The following WDR81 variants were observed in gnomAD, a reference collection of about 807,000 sequenced individuals.
WDR81 encodes the protein WD repeat domain 81.
Under a neutral mutation model 140.8 loss-of-function variants are expected in WDR81, and 92 were observed. The observed-to-expected ratio is 0.65, with a 90% CI of 0.55 to 0.78. The LOEUF (loss-of-function observed/expected upper bound fraction) is 0.78, where lower values mean the gene tolerates loss of function less well. Ranked by LOEUF, WDR81 falls within the 30% of genes least tolerant of loss-of-function variation. WDR81 has a pLI of 0.00. For missense variants in WDR81, 2,502 were observed against 2,636.4 expected, an observed-to-expected ratio of 0.95 and a Z score of 1.12; for synonymous variants, 1,183 against 1,156.4, an observed-to-expected ratio of 1.02 and a Z score of -0.47.
At position 1,725,059 on chromosome 17, in the gene WDR81, G is replaced by A. The variant is rs1224718853; in HGVS notation, c.100G>A (p.Val34Met). The A allele has an allele frequency of 1.3e-6, 2 of 1,483,748 alleles. No homozygotes were observed. Among genetic ancestry groups the A allele is most frequent in the Admixed American group, 2.3e-5 (1 of 42,764 alleles). The allele number at this position is 1,483,748 out of a possible 1,614,324, so 91.9% of individuals were successfully genotyped here. ...AGACATGCAGGAGCTGCTCCGGAGCGTGGAGAGGGACCTGAGCATCGATCC... is the reference window on the plus strand; with the variant it reads ...AGACATGCAGGAGCTGCTCCGGAGCATGGAGAGGGACCTGAGCATCGATCC... ...SPDMQELLRS[V>M]ERDLSIDPRQ... Residue 34 changes from valine to methionine, a missense_variant, in exon 1 of 10, where the codon GTG becomes ATG. By Grantham distance (21) the Val-to-Met change is conservative. This residue lies in a region of WDR81 where 547 missense variants were observed against 513.8 expected (regional missense o/e 1.06). Transcript: ENST00000409644.
chr17:1,735,434 A>C lies in WDR81; in HGVS notation c.5180-138A>C, dbSNP rs978554606. 2 of 999,088 alleles carry C rather than the reference A, an allele frequency of 2.0e-6. No homozygotes were observed. The highest frequency in any genetic ancestry group is 1.9e-5 in the South Asian group (1 of 53,506). The allele number at this position is 999,088 out of a possible 1,614,324, so 61.9% of individuals were successfully genotyped here. On this transcript the variant is annotated intron_variant, in intron 7 of 9. Coordinates refer to ENST00000409644, the MANE Select transcript of WDR81 (RefSeq NM_001163809.2). The surrounding 1 kb of genome is among the most constrained non-coding windows in gnomAD (Gnocchi z 4.2). ...ACAAAGCGAGACTCCATCTCAAAAAAAGAGAAACATCTTTAGCATTTTCTA... is the reference window on the plus strand; with the variant it reads ...ACAAAGCGAGACTCCATCTCAAAAACAGAGAAACATCTTTAGCATTTTCTA...
In WDR81 at chr17:1,727,053, C is replaced by T. The variant is rs1163566414; in HGVS notation, c.2094C>T (p.Ser698=). ...TCTCTTTCTCAGTGGCCTCAGCCTC[C>T]CGTCCAGGCCGCAGGAATAAAGCTG... ...GLLSFSVASA[S]RPGRRNKAAG... Residue 698 remains serine, a synonymous_variant, in exon 1 of 10, where the codon TCC becomes TCT. Coordinates refer to ENST00000409644, the MANE Select transcript of WDR81 (RefSeq NM_001163809.2). 6.5e-7 allele frequency: 1 copy of T among 1,550,132 alleles called. No homozygotes were observed. Among genetic ancestry groups the T allele is most frequent in the African/African-American group, 1.4e-5 (1 of 73,026 alleles).
In WDR81 at chr17:1,725,259, C is replaced by A. The variant is rs772164633; in HGVS notation, c.300C>A (p.Ala100=). ...LLQRSVQRLP[A]GWTRVEVHGL... Reference sequence around the variant, plus strand: ...AGCGCTCTGTGCAAAGGCTGCCTGCCGGCTGGACGCGCGTGGAGGTGCATG... The same window carrying A: ...AGCGCTCTGTGCAAAGGCTGCCTGCAGGCTGGACGCGCGTGGAGGTGCATG... The change falls in exon 1 of 10, where the codon GCC becomes GCA. Residue 100 remains alanine, a synonymous_variant. Coordinates refer to ENST00000409644, the MANE Select transcript of WDR81 (RefSeq NM_001163809.2). 6.5e-7 allele frequency: 1 copy of A among 1,544,272 alleles called. No homozygotes were observed.
rs1043350811 is a variant in WDR81 at position 1,735,577 on chromosome 17, A to G, written c.5185A>G (p.Thr1729Ala). The change falls in exon 8 of 10, where the codon ACC becomes GCC. Residue 1729 changes from threonine to alanine, a missense_variant. This residue lies in a region of WDR81 where 1,737 missense variants were observed against 1,843.0 expected (regional missense o/e 0.94). Coordinates refer to ENST00000409644, the MANE Select transcript of WDR81 (RefSeq NM_001163809.2). The surrounding 1 kb of genome is among the most constrained non-coding windows in gnomAD (Gnocchi z 4.2). ...VHVWDPFTGK[T>A]LRTVEPLDSR... ...ACTGTGACTTTCCTTCCCAGGGAAG[A>G]CCCTTCGCACAGTGGAGCCGCTGGA... The G allele has an allele frequency of 1.2e-6, 2 of 1,606,396 alleles. No homozygotes were observed. Among genetic ancestry groups the G allele is most frequent in the African/African-American group, 2.7e-5 (2 of 74,630 alleles).
chr17:1,732,259 G>A, intron 4 of WDR81, 66 bp from the exon 5 acceptor site: 1 of 1,567,330 alleles, frequency 6.4e-7, no homozygotes, highest in Non-Finnish European at 8.6e-7. Context: ...AATAAATAAA[G>A]ATTTTGCTAG....
Position 1,725,188 on chromosome 17 carries a change from C to T in WDR81, c.229C>T (p.Pro77Ser). ...TCGCCGGCTGCCCCTGGGACCCTGT[C>T]CCCGCGCAGAGGGCCTGGGAGAAGC... ...RDRRLPLGPCPRAEGLGEAEV... is the reference protein window; with the variant it reads ...RDRRLPLGPCSRAEGLGEAEV... Residue 77 changes from proline to serine, a missense_variant, in exon 1 of 10, where the codon CCC (proline) becomes TCC (serine). Coordinates refer to ENST00000409644, the MANE Select transcript of WDR81 (RefSeq NM_001163809.2). The T allele has an allele frequency of 6.5e-7, 1 of 1,537,008 alleles. No homozygotes were observed. Among genetic ancestry groups the T allele is most frequent in the Non-Finnish European group, 8.7e-7 (1 of 1,146,388 alleles).
chr17:1,736,643 G>A (rs1222410115), intron 9 of WDR81, among the ~76,000 whole-genome samples: 3 of 152,170 alleles, frequency 2.0e-5, no homozygotes, highest in Non-Finnish European at 4.4e-5. Context: ...TGGCCCTGCC[G>A]GGCTGCCCTG....
Position 1,725,841 on chromosome 17 carries a change from G to C in WDR81, c.882G>C (p.Lys294Asn), listed in dbSNP as rs755654990. The part of the protein sequence containing the change: ...LSLYHIAVDE[K>N]LCSELRLDLS... The stretch of plus-strand genomic sequence containing the variant: ...TGTATCACATCGCAGTGGATGAGAA[G>C]CTTTGCAGCGAGCTGCGACTGGACC... Residue 294 changes from lysine to asparagine, a missense_variant, in exon 1 of 10, where the codon AAG becomes AAC. By Grantham distance (94) the Lys-to-Asn change is moderately conservative. Coordinates refer to ENST00000409644, the MANE Select transcript of WDR81 (RefSeq NM_001163809.2). The C allele has an allele frequency of 1.3e-6, 2 of 1,550,580 alleles. No individual in the cohort carries two copies. Among genetic ancestry groups the C allele is most frequent in the Admixed American group, 2.0e-5 (1 of 50,990 alleles).
rs1242370139 is a variant in WDR81 at position 1,726,025 on chromosome 17, C to T, written c.1066C>T (p.Arg356Cys). 1.8e-5 allele frequency: 28 copies of T among 1,544,326 alleles called. No homozygotes were observed. Among genetic ancestry groups the T allele is most frequent in the East Asian group, 7.4e-5 (3 of 40,776 alleles). The change falls in exon 1 of 10, where the codon CGC becomes TGC. Residue 356 changes from arginine (R) to cysteine (C), a missense_variant. This residue lies in a region of WDR81 where 547 missense variants were observed against 513.8 expected (regional missense o/e 1.06). Coordinates refer to ENST00000409644, the MANE Select transcript of WDR81 (RefSeq NM_001163809.2). ...CCTCGTGCTAGATTGGGTCCACGGC[C>T]GCATCAGCAACTTCCACTACCTCAT... ...RSLVLDWVHGRISNFHYLMQL... is the reference protein window; with the variant it reads ...RSLVLDWVHGCISNFHYLMQL...
Position 1,737,696 on chromosome 17 carries a change from G to T in WDR81, c.*11G>T. ...CGCCTCCTGGCATAGACTGAGGCAG[G>T]AGCTGGCCGGGCAAGGGTGGGAAGA... On this transcript the variant is annotated 3_prime_UTR_variant, in exon 10 of 10. Coordinates refer to ENST00000409644, the MANE Select transcript of WDR81 (RefSeq NM_001163809.2). 6.3e-7 allele frequency: 1 copy of T among 1,596,720 alleles called. No individual in the cohort carries two copies. The highest frequency in any genetic ancestry group is 8.5e-7 in the Non-Finnish European group (1 of 1,172,258).
At chr17:1,724,478 G>A, upstream of WDR81, 1 of 985,654 alleles carries the variant, frequency 1.0e-6, no homozygotes, top group Non-Finnish European at 1.2e-6. Flanking sequence ...GTGCGTGCTG[G>A]AGGGAGTAGG....
Position 1,730,254 on chromosome 17 carries a change from C to T in WDR81, c.3668-126C>T, listed in dbSNP as rs1011250876. 3.5e-5 allele frequency: 26 copies of T among 733,144 alleles called. No homozygotes were observed. The Middle Eastern group carries it at 1.2e-3, about 33-fold the overall frequency. The allele number at this position is 733,144 out of a possible 1,614,324, so 45.4% of individuals were successfully genotyped here. ...CGTGGAGGGGGTGGTGTGGGACAGC[C>T]GGCCCGGGCTGGGCTCTTGGCAGAG... On this transcript the variant is annotated intron_variant, in intron 1 of 9. Transcript: ENST00000409644.
intron 1 of WDR81, among the ~76,000 whole-genome samples, chr17:1,718,753 A>C (rs778942925): frequency 7.9e-5 from 12 of 152,216 alleles, no homozygotes; most frequent in Admixed American, 5.2e-4. Flanking sequence ...AAGCCTCACC[A>C]GTGGCCCCTA....
chr17:1,730,451 C>T lies in WDR81; in HGVS notation c.3739C>T (p.Arg1247Trp), dbSNP rs769860994. 4.5e-5 allele frequency: 72 copies of T among 1,613,194 alleles called. No individual in the cohort carries two copies. The Middle Eastern group carries it at 6.6e-4, about 15-fold the overall frequency. The stretch of plus-strand genomic sequence containing the variant: ...CACAGTGGCCTCTCGCCACGTGGCC[C>T]GGAACCTGCTCCGCCTGCTGACGTC... The part of the protein sequence containing the change: ...GPTVASRHVA[R>W]NLLRLLTSCY... The change falls in exon 2 of 10, where the codon CGG (arginine) becomes TGG (tryptophan). Residue 1247 changes from arginine (R) to tryptophan (W), a missense_variant. Arg to Trp is a moderately radical substitution (Grantham distance 101). Around this residue, in one of 3 missense-constraint regions of WDR81, gnomAD observed 1,737 missense variants for 1,843.0 expected, o/e 0.94. Coordinates refer to ENST00000409644, the MANE Select transcript of WDR81 (RefSeq NM_001163809.2).
Position 1,726,026 on chromosome 17 carries a change from G to C in WDR81, c.1067G>C (p.Arg356Pro), listed in dbSNP as rs924969862. Residue 356 changes from arginine to proline, a missense_variant, in exon 1 of 10, where the codon CGC becomes CCC. Arg to Pro is a moderately radical substitution (Grantham distance 103). This residue lies in a region of WDR81 where 547 missense variants were observed against 513.8 expected (regional missense o/e 1.06). Transcript: ENST00000409644. ...RSLVLDWVHGRISNFHYLMQL... is the reference protein window; with the variant it reads ...RSLVLDWVHGPISNFHYLMQL... ...CTCGTGCTAGATTGGGTCCACGGCC[G>C]CATCAGCAACTTCCACTACCTCATG... 2 of 1,543,894 alleles carry C rather than the reference G, an allele frequency of 1.3e-6. No homozygotes were observed. The highest frequency in any genetic ancestry group is 1.8e-6 in the Non-Finnish European group (2 of 1,142,674).
chr17:1,716,643 C>A, intron 1 of WDR81: 1 of 1,551,620 alleles, frequency 6.4e-7, no homozygotes, highest in Non-Finnish European at 8.7e-7. Flanking sequence ...TGTGAGTTGG[C>A]ATTTTTAAAC....
intron 1 of WDR81, among the ~76,000 whole-genome samples, 196 bp downstream of exon 1, chr17:1,728,822 A>G (rs537271445): frequency 4.6e-5 from 7 of 152,138 alleles, no homozygotes; most frequent in Non-Finnish European, 8.8e-5. Flanking sequence ...GCGTGGGGGC[A>G]GGCACCTGTA....
rs765231374 is a variant in WDR81, at chr17:1,732,494, G to T, written c.4323+4G>T. 1.2e-6 allele frequency: 2 copies of T among 1,612,522 alleles called. No individual in the cohort carries two copies. The highest frequency in any genetic ancestry group is 4.5e-5 in the East Asian group (2 of 44,850). On this transcript the variant is annotated splice_donor_region_variant and intron_variant, in intron 5 of 9. Coordinates refer to ENST00000409644, the MANE Select transcript of WDR81 (RefSeq NM_001163809.2). Reference sequence around the variant, plus strand: ...GCTGCATGAGCTTCGGCAACAGGTGGGCAGATCTGCTGGGCCAGGGCGGGC... The same window carrying T: ...GCTGCATGAGCTTCGGCAACAGGTGTGCAGATCTGCTGGGCCAGGGCGGGC...
Position 1,726,609 on chromosome 17 carries a change from C to T in WDR81, c.1650C>T (p.Gly550=), listed in dbSNP as rs546185037. The T allele has an allele frequency of 1.3e-6, 2 of 1,550,312 alleles. No homozygotes were observed. Among genetic ancestry groups the T allele is most frequent in the Admixed American group, 3.9e-5 (2 of 50,992 alleles). ...DLHHWIDLTF[G]YKLQGKEAVK... is the part of the protein sequence containing the mutation. ...ACCATTGGATCGACCTCACGTTTGGCTATAAACTCCAGGGTAAGGAGGCTG... is the reference window on the plus strand; with the variant it reads ...ACCATTGGATCGACCTCACGTTTGGTTATAAACTCCAGGGTAAGGAGGCTG... The change falls in exon 1 of 10, where the codon GGC becomes GGT. Residue 550 remains glycine, a synonymous_variant. Transcript: ENST00000409644.
Sources: gnomAD v4.1 joint callset for allele counts (sites outside exome capture counted in the v4.1 genomes callset) on GRCh38, gnomAD v4.1.1 for gene constraint, gnomAD v4.1.1 regional missense constraint, Gnocchi (gnomAD v3.1) non-coding constraint, MANE v1.5 for transcripts, NCBI Gene and HGNC (gene_info 2026-07-23, HGNC 2026-07-21) for gene names.